CERS6: variants seen among roughly 807,000 people sequenced by gnomAD.
CERS6 encodes the protein LAG1 homolog, ceramide synthase 6.
Under a neutral mutation model 56.8 loss-of-function variants are expected in CERS6, and 26 were observed. The ratio of observed to expected loss-of-function variants is 0.46; its 90% CI spans 0.34 to 0.63. CERS6 has a LOEUF of 0.63. Among genes scored for constraint, CERS6 ranks in the 30% least tolerant of loss-of-function variants. CERS6 has a pLI of 0.01. For synonymous variants in CERS6, 164 were observed against 173.3 expected, an observed-to-expected ratio of 0.95 and a Z score of 0.42; for missense variants, 415 against 467.5, an observed-to-expected ratio of 0.89 and a Z score of 1.04.
intron 3 of CERS6, among the ~76,000 whole-genome samples, chr2:168,579,214 T>C (rs1683349338): frequency 6.6e-6 from 1 of 152,198 alleles, no homozygotes; most frequent in African/African-American, 2.4e-5. Context: ...GACTTTGGTA[T>C]AGTATATATT....
At chr2:168,731,189 G>A (rs937721153) in intron 8 of CERS6, among the ~76,000 whole-genome samples, 1 of 152,104 alleles carries the variant, frequency 6.6e-6, no homozygotes, top group East Asian at 1.9e-4. Context: ...ATTAAATAGG[G>A]AAATATTTGG....
rs919732819 is a variant in CERS6 at position 168,773,208 on chromosome 2, A to G, written c.*3546A>G. 1.3e-5 allele frequency: 2 copies of G among 152,200 alleles called. No individual in the cohort carries two copies. The highest frequency in any genetic ancestry group is 1.3e-4 in the Admixed American group (2 of 15,278). The allele number at this position is 152,200 out of a possible 1,614,324, so 9.4% of individuals were successfully genotyped here. A position where few individuals can be genotyped will look rare whatever the true frequency, so the allele number is the denominator to read the frequency against. Reference sequence around the variant, plus strand: ...TTTTTGTCCCTTTCTTGGAAATGTTAATGCCAAAGTTGCCTGAACATTGGG... The same window carrying G: ...TTTTTGTCCCTTTCTTGGAAATGTTGATGCCAAAGTTGCCTGAACATTGGG... On this transcript the variant is annotated 3_prime_UTR_variant, in exon 10 of 10. Coordinates refer to ENST00000305747, the MANE Select transcript of CERS6 (RefSeq NM_203463.3).
In CERS6 at chr2:168,760,764, TTA is replaced by T. The variant is rs769505413; in HGVS notation, c.846-4826_846-4825del. Among the ~76,000 whole-genome samples the T allele has an allele frequency of 2.9e-3, 368 of 128,652 alleles. 1 individual carries two copies. The highest frequency in any genetic ancestry group is 7.3e-3 in the Middle Eastern group (2 of 274). 84.4% of individuals were successfully genotyped at this position (128,652 alleles called of 152,430 possible). ...TTTATTTATTTATTTATTTATTTAT[TTA>T]TTTTTTTGAGACGGAGTCTTGCTCT... On this transcript the variant is annotated intron_variant, in intron 8 of 9. Coordinates refer to ENST00000305747, the MANE Select transcript of CERS6 (RefSeq NM_203463.3).
chr2:168,728,133 T>C (rs1216522274), intron 8 of CERS6, among the ~76,000 whole-genome samples: 5 of 152,114 alleles, frequency 3.3e-5, no homozygotes, highest in Non-Finnish European at 5.9e-5. Flanking sequence ...TCTATTAATA[T>C]TGTCTTTGGC....
chr2:168,665,963 T>TGC (rs1685749461), intron 4 of CERS6, among the ~76,000 whole-genome samples: 1 of 145,672 alleles, frequency 6.9e-6, no homozygotes, highest in Non-Finnish European at 1.5e-5. Flanking sequence ...TGTGTGTGTG[T>TGC]GTGTGTGTGT....
At chr2:168,765,826 T>G (rs1255503723) in intron 9 of CERS6, 78 bp downstream of exon 9, 11 of 1,258,030 alleles carry the variant, frequency 8.7e-6, no homozygotes, top group Non-Finnish European at 1.1e-5. Flanking sequence ...CTATTTACTA[T>G]TCCATATTTC....
intron 1 of CERS6, among the ~76,000 whole-genome samples, chr2:168,486,073 C>A (rs747735479): frequency 8.5e-5 from 13 of 152,070 alleles, no homozygotes; most frequent in Non-Finnish European, 1.9e-4. Context: ...GGTATCTTAT[C>A]AATTTAATTT....
intron 2 of CERS6, among the ~76,000 whole-genome samples, chr2:168,552,847 A>G (rs982919752): frequency 6.6e-6 from 1 of 152,226 alleles, no homozygotes; most frequent in African/African-American, 2.4e-5. Flanking sequence ...AACTCACACA[A>G]TATCAAAGAC....
intron 3 of CERS6, among the ~76,000 whole-genome samples, chr2:168,598,781 A>G (rs929539847): frequency 2.0e-5 from 3 of 152,190 alleles, no homozygotes; most frequent in Non-Finnish European, 4.4e-5. Flanking sequence ...GGTGTCAAAT[A>G]TTGCGGTGAT....
intron 3 of CERS6, among the ~76,000 whole-genome samples, chr2:168,619,343 A>T (rs927031094): frequency 1.3e-5 from 2 of 152,166 alleles, no homozygotes; most frequent in Non-Finnish European, 2.9e-5. Flanking sequence ...TGCAGAAAAA[A>T]CAGAGAAATG....
intron 4 of CERS6, among the ~76,000 whole-genome samples, chr2:168,663,094 C>T (rs1224938595): frequency 6.6e-6 from 1 of 152,168 alleles, no homozygotes; most frequent in African/African-American, 2.4e-5. Flanking sequence ...TGTTGTTTTG[C>T]ATTCATTTAG....
At chr2:168,599,579 C>A (rs1165913853) in intron 3 of CERS6, among the ~76,000 whole-genome samples, 2 of 152,116 alleles carry the variant, frequency 1.3e-5, no homozygotes, top group Non-Finnish European at 2.9e-5. Context: ...AGGTTAGTAA[C>A]CCCGATTAGA....
intron 3 of CERS6, among the ~76,000 whole-genome samples, chr2:168,612,900 C>T (rs929862557): frequency 5.9e-5 from 9 of 152,224 alleles, no homozygotes; most frequent in Admixed American, 4.6e-4. Context: ...TTTGTGACTG[C>T]TCTGTCATGA....
Position 168,547,470 on chromosome 2 carries a change from T to C in CERS6, c.171-126T>C, listed in dbSNP as rs150448529. ...CAGTTACTGACAGGAGTGTTGACAA[T>C]GTACACCCATGAAATCCTACCAACA... On this transcript the variant is annotated intron_variant, in intron 1 of 9. Transcript: ENST00000305747. 8.2e-3 allele frequency: 4,911 copies of C among 601,942 alleles called. 46 individuals carry two copies. Among genetic ancestry groups the C allele is most frequent in the African/African-American group, 0.026 (1,364 of 52,030 alleles). The allele number at this position is 601,942 out of a possible 1,614,324, so 37.3% of individuals were successfully genotyped here.
At chr2:168,596,756 A>G (rs1198009603) in intron 3 of CERS6, among the ~76,000 whole-genome samples, 1 of 151,972 alleles carries the variant, frequency 6.6e-6, no homozygotes, top group Admixed American at 6.6e-5. Flanking sequence ...GGGTTTCACC[A>G]TGTTGGCCAG....
chr2:168,618,994 T>C (rs1684394095), intron 3 of CERS6, among the ~76,000 whole-genome samples: 1 of 152,120 alleles, frequency 6.6e-6, no homozygotes, highest in African/African-American at 2.4e-5. Context: ...CAAAACAGCA[T>C]GGTACTGGTA....
intron 8 of CERS6, among the ~76,000 whole-genome samples, chr2:168,744,834 A>T (rs1319764368): frequency 6.6e-6 from 1 of 152,246 alleles, no homozygotes; most frequent in African/African-American, 2.4e-5. Flanking sequence ...CTGATGGGAA[A>T]TAGAGAACAA....
At chr2:168,652,988 G>A (rs1685382682) in intron 4 of CERS6, among the ~76,000 whole-genome samples, 1 of 152,174 alleles carries the variant, frequency 6.6e-6, no homozygotes, top group Non-Finnish European at 1.5e-5. Flanking sequence ...CCAACAATCA[G>A]CATTTATACG....
At chr2:168,602,399 G>A (rs1209752140) in intron 3 of CERS6, among the ~76,000 whole-genome samples, 1 of 152,050 alleles carries the variant, frequency 6.6e-6, no homozygotes, top group African/African-American at 2.4e-5. Flanking sequence ...AATGATGTTG[G>A]CCCATTGATA....
Sources: gnomAD v4.1 joint callset for allele counts (sites outside exome capture counted in the v4.1 genomes callset) on GRCh38, gnomAD v4.1.1 for gene constraint, MANE v1.5 for transcripts, NCBI Gene and HGNC (gene_info 2026-07-23, HGNC 2026-07-21) for gene names.